The following CLEC12A variants were observed in gnomAD, a reference collection of about 807,000 sequenced individuals.
The protein encoded by CLEC12A is C-type lectin domain family 12 member A, also known as C-type lectin protein CLL-1.
A neutral mutation model predicts 26.5 loss-of-function variants in CLEC12A; 22 were observed. The observed-to-expected ratio is 0.83, with a 90% CI of 0.59 to 1.19. CLEC12A has a LOEUF of 1.19. Among genes scored for constraint, CLEC12A ranks in the 50% most tolerant of loss-of-function variants. The probability of loss-of-function intolerance (pLI) is 0.00; values close to 1 mark genes in which losing one functional copy is unlikely to be tolerated. For synonymous variants in CLEC12A, 119 were observed against 101.9 expected, an observed-to-expected ratio of 1.17 and a Z score of -1.01; for missense variants, 353 against 315.6, an observed-to-expected ratio of 1.12 and a Z score of -0.90.
chr12:9,977,049 CTT>C (rs1423964993), intron 1 of CLEC12A, among the ~76,000 whole-genome samples: 1 of 152,094 alleles, frequency 6.6e-6, no homozygotes, highest in African/African-American at 2.4e-5. Context: ...TTGGGTATGT[CTT>C]ATTAGCAATG....
chr12:9,990,527 G>T (rs528725269), downstream of CLEC12A, among the ~76,000 whole-genome samples: 109 of 152,276 alleles, frequency 7.2e-4, no homozygotes, highest in African/African-American at 2.2e-3. Context: ...AATTTTATCA[G>T]GAAACTTTAA....
At chr12:10,002,278 G>A in the CLEC12A span, among the ~76,000 whole-genome samples, 4 of 152,028 alleles carry the variant, frequency 2.6e-5, no homozygotes, top group Admixed American at 6.5e-5. Flanking sequence ...ACTCTAAATT[G>A]TCTGTTTTAA....
intron 3 of CLEC12A, 106 bp from the exon 4 acceptor site, chr12:9,980,476 A>G (rs1326241191): frequency 3.5e-6 from 4 of 1,158,984 alleles, no homozygotes; most frequent in Non-Finnish European, 4.9e-6. Context: ...AAAAAGAAAG[A>G]AGAATAAACA....
intron 2 of CLEC12A, 74 bp from the exon 3 acceptor site, chr12:9,979,262 C>T: frequency 8.3e-7 from 1 of 1,210,628 alleles, no homozygotes; most frequent in Non-Finnish European, 1.2e-6. Context: ...AATCTTTATA[C>T]TACTTCTGCA....
chr12:9,978,964 A>G lies in CLEC12A; in HGVS notation c.92-2A>G, dbSNP rs771210248. 74 of 1,613,120 alleles carry G rather than the reference A, an allele frequency of 4.6e-5. No homozygotes were observed. The South Asian group carries it at 7.9e-4, about 17-fold the overall frequency. On this transcript the variant is annotated splice_acceptor_variant, in intron 1 of 5. Coordinates refer to ENST00000304361, the MANE Select transcript of CLEC12A (RefSeq NM_138337.6). LOFTEE classifies it high-confidence loss of function. ...CCTCTCTGTTAATTTTGCTTTCCAC[A>G]GCACCTCCAGCTCCCTCTCATGTAT...
the CLEC12A span, among the ~76,000 whole-genome samples, chr12:10,004,857 C>G: frequency 6.6e-6 from 1 of 151,902 alleles, no homozygotes; most frequent in Non-Finnish European, 1.5e-5. Context: ...TGTTGGTATG[C>G]TGCACCCATT....
At chr12:9,979,665 G>T in intron 3 of CLEC12A, 141 bp downstream of exon 3, 1 of 632,916 alleles carries the variant, frequency 1.6e-6, no homozygotes, top group Non-Finnish European at 2.6e-6. Flanking sequence ...GGTTGATGGA[G>T]AATTCATTGA....
intron 1 of CLEC12A, among the ~76,000 whole-genome samples, chr12:9,953,587 G>A (rs1591807888): frequency 6.6e-6 from 1 of 150,804 alleles, no homozygotes; most frequent in East Asian, 2.0e-4. Context: ...GAGGGAGGTG[G>A]GGGGGTCAGC....
rs765212966 is a variant in CLEC12A at position 9,979,341 on chromosome 12, G to A, written c.196G>A (p.Val66Ile). 5.7e-6 allele frequency: 9 copies of A among 1,585,246 alleles called. No homozygotes were observed. In the East Asian group the frequency reaches 6.8e-5, roughly 12 times the overall value. ...GLGVLASMFH[V>I]TLKIEMKKMN... Reference sequence around the variant, plus strand: ...GTCATTTTTTTAATGTGGAGTTCACGTAACTTTGAAGATAGAAATGAAAAA... The same window carrying A: ...GTCATTTTTTTAATGTGGAGTTCACATAACTTTGAAGATAGAAATGAAAAA... Residue 66 changes from valine to isoleucine, a missense_variant, in exon 3 of 6, where the codon GTA (valine) becomes ATA (isoleucine). Transcript: ENST00000304361.
At chr12:10,006,105 T>A in the CLEC12A span, among the ~76,000 whole-genome samples, 34 of 152,382 alleles carry the variant, frequency 2.2e-4, no homozygotes, top group South Asian at 6.6e-3. Flanking sequence ...GAACAATATT[T>A]TCTGACAAGT....
At chr12:9,983,697 T>C (rs1412144199) in intron 5 of CLEC12A, 1 of 525,632 alleles carries the variant, frequency 1.9e-6, no homozygotes, top group Non-Finnish European at 3.4e-6. Context: ...TGCATACTCA[T>C]CACATTGGGC....
At chr12:9,960,768 C>T (rs1863815105) in intron 1 of CLEC12A, among the ~76,000 whole-genome samples, 2 of 152,080 alleles carry the variant, frequency 1.3e-5, no homozygotes, top group South Asian at 4.2e-4. Flanking sequence ...TGTTTGTTTT[C>T]CTGAGTTTCT....
intron 1 of CLEC12A, among the ~76,000 whole-genome samples, chr12:9,956,068 G>C (rs1164832067): frequency 2.0e-5 from 3 of 152,174 alleles, no homozygotes; most frequent in Non-Finnish European, 4.4e-5. Flanking sequence ...CAAAACACAA[G>C]AAAGCTGCAC....
intron 1 of CLEC12A, among the ~76,000 whole-genome samples, chr12:9,974,337 C>G (rs756552013): frequency 1.3e-5 from 2 of 152,112 alleles, no homozygotes; most frequent in Non-Finnish European, 2.9e-5. Flanking sequence ...TGTCCTGGGT[C>G]CCGTTTTATT....
At chr12:9,998,139 A>C, downstream of CLEC12A, 1 of 656,454 alleles carries the variant, frequency 1.5e-6, no homozygotes, top group Middle Eastern at 4.1e-4. Flanking sequence ...TCCTTTATTG[A>C]GATTCTCTTG....
Position 9,979,355 on chromosome 12 carries a change from A to T in CLEC12A, c.210A>T (p.Ile70=). 1.3e-6 allele frequency: 2 copies of T among 1,596,206 alleles called. No homozygotes were observed. Among genetic ancestry groups the T allele is most frequent in the South Asian group, 2.3e-5 (2 of 88,540 alleles). The change falls in exon 3 of 6, where the codon ATA becomes ATT. Residue 70 remains isoleucine (I), a synonymous_variant. Transcript: ENST00000304361. The part of the protein sequence containing the change: ...LASMFHVTLK[I]EMKKMNKLQN... ...GTGGAGTTCACGTAACTTTGAAGAT[A>T]GAAATGAAAAAAATGAACAAACTAC...
intron 1 of CLEC12A, among the ~76,000 whole-genome samples, chr12:9,961,164 G>GACA: frequency 6.6e-6 from 1 of 152,328 alleles, no homozygotes; most frequent in Non-Finnish European, 1.5e-5. Context: ...TGTGGTAAGA[G>GACA]GTTGTAGAGA....
chr12:9,981,429 A>T (rs1203930791), intron 4 of CLEC12A, among the ~76,000 whole-genome samples: 2 of 152,174 alleles, frequency 1.3e-5, no homozygotes, highest in Admixed American at 1.3e-4. Flanking sequence ...CTTCCCCACA[A>T]TAAGAAACTT....
At chr12:9,967,638 G>C (rs899980696), upstream of CLEC12A, among the ~76,000 whole-genome samples, 1 of 150,302 alleles carries the variant, frequency 6.7e-6, no homozygotes, top group African/African-American at 2.5e-5. Context: ...CCCCCAAGAA[G>C]AGCGGTACTT....
Sources: gnomAD v4.1 joint callset for allele counts (sites outside exome capture counted in the v4.1 genomes callset) on GRCh38, gnomAD v4.1.1 for gene constraint, MANE v1.5 for transcripts, NCBI Gene and HGNC (gene_info 2026-07-23, HGNC 2026-07-21) for gene names.